The following BMAL2 variants were observed in gnomAD, a reference collection of about 807,000 sequenced individuals.
BMAL2 encodes the protein basic helix-loop-helix ARNT like 2.
At chr12:27,390,975 A>G in the BMAL2 span, among the ~76,000 whole-genome samples, 1 of 152,190 alleles carries the variant, frequency 6.6e-6, no homozygotes, top group Non-Finnish European at 1.5e-5. Flanking sequence ...AACACCTGAA[A>G]CGGTAATTGC....
the BMAL2 span, among the ~76,000 whole-genome samples, chr12:27,383,593 G>T: frequency 6.6e-6 from 1 of 152,126 alleles, no homozygotes; most frequent in Non-Finnish European, 1.5e-5. Context: ...CACCGACGGG[G>T]TTTCCCAGCC....
At chr12:27,374,252 A>G in the BMAL2 span, among the ~76,000 whole-genome samples, 2 of 152,196 alleles carry the variant, frequency 1.3e-5, no homozygotes, top group African/African-American at 4.8e-5. Context: ...GCAACCAACC[A>G]AAAGTTGAAA....
At chr12:27,416,892 G>A in the BMAL2 span, among the ~76,000 whole-genome samples, 1 of 152,218 alleles carries the variant, frequency 6.6e-6, no homozygotes, top group Non-Finnish European at 1.5e-5. Context: ...GAGCCCAGAA[G>A]TTTCAGGCTG....
At chr12:27,345,943 T>A in the BMAL2 span, among the ~76,000 whole-genome samples, 1 of 152,228 alleles carries the variant, frequency 6.6e-6, no homozygotes, top group Admixed American at 6.5e-5. Flanking sequence ...TTTTCCATAT[T>A]GAAGCAAATA....
At chr12:27,358,033 T>G in the BMAL2 span, among the ~76,000 whole-genome samples, 24 of 151,732 alleles carry the variant, frequency 1.6e-4, 1 homozygote, top group African/African-American at 5.8e-4. Flanking sequence ...TTATATTTAT[T>G]TATTTTATAA....
the BMAL2 span, chr12:27,420,569 A>G: frequency 6.6e-7 from 1 of 1,521,918 alleles, no homozygotes; most frequent in Non-Finnish European, 8.8e-7. Context: ...GAAACATTTT[A>G]AAGCATTTCA....
At chr12:27,333,368 G>T in the BMAL2 span, among the ~76,000 whole-genome samples, 1 of 152,104 alleles carries the variant, frequency 6.6e-6, no homozygotes, top group African/African-American at 2.4e-5. Flanking sequence ...TCAGGACGCG[G>T]TGTCTTGGTC....
the BMAL2 span, among the ~76,000 whole-genome samples, chr12:27,343,824 A>T: frequency 6.6e-6 from 1 of 152,210 alleles, no homozygotes; most frequent in Non-Finnish European, 1.5e-5. Context: ...TCAGGGAAGC[A>T]TTCTTCAGTG....
chr12:27,415,933 G>A, the BMAL2 span: 2 of 1,594,854 alleles, frequency 1.3e-6, no homozygotes, highest in Non-Finnish European at 1.7e-6. Context: ...TACTCATACT[G>A]TAAACTGCAG....
chr12:27,338,943 AACT>A, the BMAL2 span, among the ~76,000 whole-genome samples: 1 of 152,120 alleles, frequency 6.6e-6, no homozygotes, highest in Non-Finnish European at 1.5e-5. Flanking sequence ...CTGAAAAGGG[AACT>A]ACTACTATCT....
the BMAL2 span, among the ~76,000 whole-genome samples, chr12:27,392,747 TA>T: frequency 6.6e-6 from 1 of 152,210 alleles, no homozygotes; most frequent in African/African-American, 2.4e-5. Context: ...ATGCAAGTTA[TA>T]AATTGAGTAG....
the BMAL2 span, chr12:27,376,414 A>T: frequency 6.2e-7 from 1 of 1,609,924 alleles, no homozygotes; most frequent in Non-Finnish European, 8.5e-7. Flanking sequence ...GAGATGGTAC[A>T]TGGTGAGTGG....
At chr12:27,336,408 G>C in the BMAL2 span, among the ~76,000 whole-genome samples, 1 of 152,184 alleles carries the variant, frequency 6.6e-6, no homozygotes, top group African/African-American at 2.4e-5. Flanking sequence ...TGGGAACTAA[G>C]AGCCTTCAGT....
the BMAL2 span, chr12:27,333,113 C>T: frequency 8.3e-7 from 1 of 1,204,994 alleles, no homozygotes; most frequent in East Asian, 3.4e-5. Context: ...GGTGAGGTTG[C>T]CGGTGGCGAG....
At chr12:27,348,322 G>T in the BMAL2 span, among the ~76,000 whole-genome samples, 2 of 152,142 alleles carry the variant, frequency 1.3e-5, no homozygotes, top group Non-Finnish European at 2.9e-5. Flanking sequence ...TGATGTTCTT[G>T]TGGTCACTTT....
the BMAL2 span, among the ~76,000 whole-genome samples, chr12:27,381,357 G>A: frequency 2.7e-4 from 41 of 150,558 alleles, no homozygotes; most frequent in Middle Eastern, 6.8e-3. Flanking sequence ...AAGTTTAATT[G>A]GCTCCCGGTT....
the BMAL2 span, among the ~76,000 whole-genome samples, chr12:27,356,221 A>G: frequency 2.0e-5 from 3 of 152,174 alleles, no homozygotes; most frequent in Non-Finnish European, 4.4e-5. Flanking sequence ...ATGCATTATG[A>G]TGAAAGTTGT....
At chr12:27,407,971 C>T in the BMAL2 span, among the ~76,000 whole-genome samples, 36 of 152,166 alleles carry the variant, frequency 2.4e-4, no homozygotes, top group Admixed American at 4.6e-4. Flanking sequence ...AACACCTCTA[C>T]GCAAATAAAC....
At chr12:27,417,263 T>C in the BMAL2 span, among the ~76,000 whole-genome samples, 1 of 152,240 alleles carries the variant, frequency 6.6e-6, no homozygotes, top group African/African-American at 2.4e-5. Flanking sequence ...ATAAGAACTT[T>C]TCAGTAACAG....
Sources: allele counts gnomAD v4.1 joint callset (sites outside exome capture counted in the v4.1 genomes callset), GRCh38; gene constraint gnomAD v4.1.1; transcripts MANE v1.5; gene names NCBI Gene and HGNC (gene_info 2026-07-23, HGNC 2026-07-21).